STYX: variants seen among roughly 807,000 people sequenced by gnomAD.
The protein encoded by STYX is serine/threonine/tyrosine-interacting protein.
In STYX, 20 loss-of-function variants were observed where a neutral mutation model predicts 42.7. The observed-to-expected ratio is 0.47, with a 90% CI of 0.33 to 0.68. STYX has a LOEUF of 0.68. STYX is among the 30% of genes least tolerant of loss of function. The pLI is 0.02. For synonymous variants in STYX, 78 were observed against 81.9 expected (o/e 0.95, Z 0.26); for missense variants, 226 against 268.5 (o/e 0.84, Z 1.11).
chr14:52,766,301 G>T (rs1325893585), intron 9 of STYX, among the ~76,000 whole-genome samples: 1 of 152,158 alleles, frequency 6.6e-6, no homozygotes, highest in Non-Finnish European at 1.5e-5. Flanking sequence ...CAAGTTGCCA[G>T]GATTACAGGC....
At chr14:52,739,392 TG>T (rs2139884604) in intron 1 of STYX, among the ~76,000 whole-genome samples, 1 of 152,274 alleles carries the variant, frequency 6.6e-6, no homozygotes, top group South Asian at 2.1e-4. Flanking sequence ...TTTCTTTAAT[TG>T]ATTTTCTTCT....
intron 9 of STYX, among the ~76,000 whole-genome samples, chr14:52,760,348 A>G (rs1047552037): frequency 6.6e-6 from 1 of 152,246 alleles, no homozygotes; most frequent in Non-Finnish European, 1.5e-5. Flanking sequence ...CACAGAGCAT[A>G]AGACAGTTTT....
intron 1 of STYX, among the ~76,000 whole-genome samples, chr14:52,739,974 A>C (rs1881121869): frequency 6.6e-6 from 1 of 151,946 alleles, no homozygotes; most frequent in African/African-American, 2.4e-5. Flanking sequence ...TTACCATAAC[A>C]CATTGGTAAG....
At chr14:52,765,684 G>A (rs1185917611) in intron 9 of STYX, among the ~76,000 whole-genome samples, 3 of 152,178 alleles carry the variant, frequency 2.0e-5, no homozygotes, top group African/African-American at 7.2e-5. Flanking sequence ...GGTGGCGGGG[G>A]AGATGGTTTC....
At chr14:52,755,734 A>T (rs1881839112) in intron 4 of STYX, among the ~76,000 whole-genome samples, 1 of 142,168 alleles carries the variant, frequency 7.0e-6, no homozygotes, top group Admixed American at 7.2e-5. Flanking sequence ...TCAAACAGTG[A>T]ATGTTTGACT....
chr14:52,740,888 A>G (rs1029147308), intron 1 of STYX, among the ~76,000 whole-genome samples: 5 of 152,252 alleles, frequency 3.3e-5, no homozygotes, highest in Admixed American at 1.3e-4. Flanking sequence ...ATAGAAGGTT[A>G]CATCTATTTC....
chr14:52,735,817 ATTAC>A (rs1880924827), intron 1 of STYX, among the ~76,000 whole-genome samples: 1 of 152,222 alleles, frequency 6.6e-6, no homozygotes, highest in East Asian at 1.9e-4. Flanking sequence ...CTACAAGAAT[ATTAC>A]TTTCACGTTT....
chr14:52,752,870 T>TTTG (rs199648431), intron 4 of STYX, among the ~76,000 whole-genome samples: 5 of 137,716 alleles, frequency 3.6e-5, no homozygotes, highest in African/African-American at 1.3e-4. Context: ...TTTGTTTTTT[T>TTTG]TTGTTGTTGT....
At chr14:52,769,894 A>G (rs1882448588) in intron 10 of STYX, among the ~76,000 whole-genome samples, 1 of 152,012 alleles carries the variant, frequency 6.6e-6, no homozygotes, top group African/African-American at 2.4e-5. Flanking sequence ...CTTTGGCTTC[A>G]TTCCTACAAA....
At chr14:52,731,433 C>CTTTTTTT (rs34855760) in intron 1 of STYX, among the ~76,000 whole-genome samples, 26 of 105,626 alleles carry the variant, frequency 2.5e-4, no homozygotes, top group Non-Finnish European at 3.6e-4. Context: ...TGGAGGTTCA[C>CTTTTTTT]TTTTTTTTTT....
intron 2 of STYX, among the ~76,000 whole-genome samples, chr14:52,745,571 T>G (rs954212307): frequency 2.2e-4 from 33 of 152,266 alleles, no homozygotes; most frequent in Non-Finnish European, 4.1e-4. Flanking sequence ...TTGTTCATTT[T>G]GTGTCCGATT....
chr14:52,760,168 C>T (rs1280350273), intron 9 of STYX, among the ~76,000 whole-genome samples: 1 of 152,146 alleles, frequency 6.6e-6, no homozygotes, highest in Non-Finnish European at 1.5e-5. Flanking sequence ...TGCCTTTGCA[C>T]TCCAGCCTGG....
Position 52,757,786 on chromosome 14 carries a change from T to G in STYX, c.380+4T>G. 6.2e-7 allele frequency: 1 copy of G among 1,613,426 alleles called. No homozygotes were observed. The highest frequency in any genetic ancestry group is 1.3e-5 in the African/African-American group (1 of 75,036). ...GAAATGCAGGGATCTCCAGAAGGTA[T>G]GAAGTTAGAAATAATCTTTCTTTCT... is the stretch of plus-strand genomic sequence containing the variant. On this transcript the variant is annotated splice_donor_region_variant and intron_variant, in intron 7 of 10. Coordinates refer to ENST00000354586, the MANE Select transcript of STYX (RefSeq NM_145251.4).
At chr14:52,765,026 A>G (rs1473757940) in intron 9 of STYX, among the ~76,000 whole-genome samples, 2 of 152,194 alleles carry the variant, frequency 1.3e-5, no homozygotes, top group African/African-American at 2.4e-5. Context: ...CAGTGTCTTT[A>G]TTAAACTCTT....
intron 9 of STYX, among the ~76,000 whole-genome samples, chr14:52,766,745 TC>T (rs1882315899): frequency 6.6e-6 from 1 of 152,218 alleles, no homozygotes; most frequent in African/African-American, 2.4e-5. Flanking sequence ...TTGTTCTGTT[TC>T]TTTTTCTTTT....
Position 52,746,452 on chromosome 14 carries a change from C to A in STYX, c.117C>A (p.Gly39=). ...AAATTTTACCTGGATTGTTCTTAGG[C>A]CCATATTCATCTGCTATGAAAAGCA... is the stretch of plus-strand genomic sequence containing the variant. ...MQEILPGLFL[G]PYSSAMKSKL... is the part of the protein sequence containing the mutation. The change falls in exon 3 of 11, where the codon GGC becomes GGA. Residue 39 remains glycine (G), a synonymous_variant. Coordinates refer to ENST00000354586, the MANE Select transcript of STYX (RefSeq NM_145251.4). 6.4e-7 allele frequency: 1 copy of A among 1,554,340 alleles called. No individual in the cohort carries two copies. Among genetic ancestry groups the A allele is most frequent in the Admixed American group, 2.3e-5 (1 of 42,732 alleles).
intron 1 of STYX, among the ~76,000 whole-genome samples, chr14:52,736,693 G>T (rs1880967753): frequency 6.6e-6 from 1 of 152,054 alleles, no homozygotes; most frequent in Non-Finnish European, 1.5e-5. Context: ...TTACTCTAGA[G>T]TAAGGAATTT....
At position 52,744,909 on chromosome 14, in the gene STYX, A is replaced by G. The variant is rs201031807; in HGVS notation, c.90+25A>G. 2,176 of 1,610,984 alleles carry G rather than the reference A, an allele frequency of 1.4e-3. 1 individual carries two copies. The highest frequency in any genetic ancestry group is 1.7e-3 in the Non-Finnish European group (1,964 of 1,178,570). The stretch of plus-strand genomic sequence containing the variant: ...GGTATGGCAACCTTTTCTTTGTTCA[A>G]ACCAACCCATGTTATTATCATAATA... On this transcript the variant is annotated intron_variant, in intron 2 of 10. Coordinates refer to ENST00000354586, the MANE Select transcript of STYX (RefSeq NM_145251.4).
chr14:52,761,568 T>TG (rs1254156584), intron 9 of STYX, among the ~76,000 whole-genome samples: 4 of 133,824 alleles, frequency 3.0e-5, no homozygotes, highest in Non-Finnish European at 6.8e-5. Flanking sequence ...AGCCAAAAGT[T>TG]TTTTTTTTTT....
Sources: gnomAD v4.1 joint callset for allele counts (sites outside exome capture counted in the v4.1 genomes callset) on GRCh38, gnomAD v4.1.1 for gene constraint, MANE v1.5 for transcripts, NCBI Gene and HGNC (gene_info 2026-07-23, HGNC 2026-07-21) for gene names.